UGT2A2: variants seen among roughly 807,000 people sequenced by gnomAD.
UGT2A2 encodes the protein UDP-glucuronosyltransferase 2A2.
A neutral mutation model predicts 50.7 loss-of-function variants in UGT2A2; 60 were observed. The observed-to-expected ratio is 1.18, with a 90% CI of 0.96 to 1.47. UGT2A2 has a LOEUF of 1.47. UGT2A2 is among the 40% of genes most tolerant of loss of function. The pLI is 0.00. For missense variants in UGT2A2, 762 were observed against 634.0 expected (o/e 1.20, Z -2.17); for synonymous variants, 242 against 214.6 (o/e 1.13, Z -1.11).
In UGT2A2 at chr4:69,605,113, T is replaced by A. The variant is rs1024076585; in HGVS notation, c.743-5719A>T. ...AATTATCCACCCCAAATCAACAGAA[T>A]ATACATTCTTCTCAGCACCACACCG... On this transcript the variant is annotated intron_variant, in intron 1 of 5. Coordinates refer to ENST00000604629, the MANE Select transcript of UGT2A2 (RefSeq NM_001105677.2). 8.0e-5 allele frequency among the ~76,000 whole-genome samples: 11 copies of A among 136,972 alleles called. 3 individuals are homozygous for A. The highest frequency in any genetic ancestry group is 1.7e-4 in the Non-Finnish European group (11 of 64,356). 89.9% of individuals were successfully genotyped at this position (136,972 alleles called of 152,430 possible).
intron 1 of UGT2A2, among the ~76,000 whole-genome samples, chr4:69,607,088 C>CA (rs1174884731): frequency 7.3e-6 from 1 of 137,640 alleles, no homozygotes; most frequent in Non-Finnish European, 1.6e-5. Flanking sequence ...CATATGGAAC[C>CA]AAAAAAGAGC....
At chr4:69,590,718 T>TTTATTG (rs1325988157) in intron 5 of UGT2A2, among the ~76,000 whole-genome samples, 1 of 152,066 alleles carries the variant, frequency 6.6e-6, no homozygotes, top group Non-Finnish European at 1.5e-5. Flanking sequence ...ACATGGATCA[T>TTTATTG]CCGAATATAC....
chr4:69,625,375 T>C (rs961437278), intron 1 of UGT2A2, among the ~76,000 whole-genome samples: 1 of 151,222 alleles, frequency 6.6e-6, no homozygotes, highest in Non-Finnish European at 1.5e-5. Context: ...AATATTTTTT[T>C]CTGCTGATGC....
chr4:69,599,382 G>A lies in UGT2A2; in HGVS notation c.755C>T (p.Thr252Met), dbSNP rs757111881. The A allele has an allele frequency of 6.2e-6, 10 of 1,613,098 alleles. No homozygotes were observed. Among genetic ancestry groups the A allele is most frequent in the South Asian group, 2.2e-5 (2 of 90,940 alleles). ...YYSKILGRPT[T>M]LCETMGKAEI... is the part of the protein sequence containing the mutation. ...AGCTTTCCCCATAGTCTCACATAAC[G>A]TAGTGGGTCTTCCTGGAGAAAATGT... Residue 252 changes from threonine to methionine, a missense_variant, in exon 2 of 6, where the codon ACG (threonine) becomes ATG (methionine). By Grantham distance (81) the Thr-to-Met change is moderately conservative. Coordinates refer to ENST00000604629, the MANE Select transcript of UGT2A2 (RefSeq NM_001105677.2).
At position 69,603,711 on chromosome 4, in the gene UGT2A2, A is replaced by G. The variant is rs1719434499; in HGVS notation, c.743-4317T>C. The G allele has an allele frequency of 1.5e-5, 2 of 136,634 alleles. 1 individual carries two copies. The highest frequency in any genetic ancestry group is 5.9e-5 in the African/African-American group (2 of 33,740). The allele number at this position is 136,634 out of a possible 1,614,324, so 8.5% of individuals were successfully genotyped here. A position where few individuals can be genotyped will look rare whatever the true frequency, so the allele number is the denominator to read the frequency against. ...GGCTAACTAGAATCACCAATGAAGA[A>G]AAGCCCTTAAAGGACCTGATGGAGC... On this transcript the variant is annotated intron_variant, in intron 1 of 5. Coordinates refer to ENST00000604629, the MANE Select transcript of UGT2A2 (RefSeq NM_001105677.2).
At chr4:69,589,783 A>G in intron 5 of UGT2A2, 132 bp from the exon 6 acceptor site, 1 of 1,322,860 alleles carries the variant, frequency 7.6e-7, no homozygotes, top group Admixed American at 2.8e-5. Flanking sequence ...TTCTTGCATG[A>G]ACTTTGTTAG....
chr4:69,589,388 T>G lies in UGT2A2; in HGVS notation c.1595A>C (p.Lys532Thr), dbSNP rs1718447764. The change falls in exon 6 of 6, where the codon AAG becomes ACG. Residue 532 changes from lysine (K) to threonine (T), a missense_variant. By Grantham distance (78) the Lys-to-Thr change is moderately conservative. Transcript: ENST00000604629. ...SCQKFGKIGK[K>T]KKRE ...TTTCTTGACCTATTCTCTTTTTTTC[T>G]TCTTTCCTATCTTACCAAATTTTTG... is the stretch of plus-strand genomic sequence containing the variant. 1 of 1,611,438 alleles carries G rather than the reference T, an allele frequency of 6.2e-7. No individual in the cohort carries two copies. Among genetic ancestry groups the G allele is most frequent in the African/African-American group, 1.3e-5 (1 of 74,702 alleles).
chr4:69,619,929 G>T (rs1458823273), intron 1 of UGT2A2, among the ~76,000 whole-genome samples: 1 of 151,570 alleles, frequency 6.6e-6, no homozygotes, highest in African/African-American at 2.4e-5. Context: ...CACACAAAAG[G>T]CTTTTGATAC....
Position 69,589,519 on chromosome 4 carries a change from A to G in UGT2A2, c.1464T>C (p.His488=), listed in dbSNP as rs760575332. 3.1e-6 allele frequency: 5 copies of G among 1,614,040 alleles called. No individual in the cohort carries two copies. The African/African-American group carries it at 6.7e-5, about 22-fold the overall frequency. The part of the protein sequence containing the change: ...KGAKHLRVAA[H]DLTWFQYHSL... ...AGTGGTACTGGAACCAGGTGAGGTCATGGGCTGCAACCCGAAGGTGCTTGG... is the reference window on the plus strand; with the variant it reads ...AGTGGTACTGGAACCAGGTGAGGTCGTGGGCTGCAACCCGAAGGTGCTTGG... The change falls in exon 6 of 6, where the codon CAT becomes CAC. Residue 488 remains histidine, a synonymous_variant. Transcript: ENST00000604629.
Position 69,638,906 on chromosome 4 carries a change from T to A in UGT2A2, c.735A>T (p.Lys245Asn). The A allele has an allele frequency of 6.3e-7, 1 of 1,577,708 alleles. No homozygotes were observed. Among genetic ancestry groups the A allele is most frequent in the South Asian group, 1.2e-5 (1 of 85,964 alleles). Residue 245 changes from lysine (K) to asparagine (N), a missense_variant, in exon 1 of 6, where the codon AAA (lysine) becomes AAT (asparagine). Lys to Asn is a moderately conservative substitution (Grantham distance 94, BLOSUM62 0). Coordinates refer to ENST00000604629, the MANE Select transcript of UGT2A2 (RefSeq NM_001105677.2). ...AGAAAATTTTAGACTTACCTAAAAT[T>A]TTGCTATAGTATGAATTCCATTCTC... ...YWGEWNSYYS[K>N]ILGRPTTLCE...
intron 1 of UGT2A2, among the ~76,000 whole-genome samples, chr4:69,613,420 C>T (rs1720184942): frequency 1.3e-5 from 2 of 151,928 alleles, no homozygotes; most frequent in South Asian, 4.1e-4. Flanking sequence ...TAACTAATGT[C>T]AATTCTACTG....
chr4:69,590,121 G>A (rs1012133974), intron 5 of UGT2A2, among the ~76,000 whole-genome samples: 1 of 152,212 alleles, frequency 6.6e-6, no homozygotes, highest in African/African-American at 2.4e-5. Flanking sequence ...CTAAGATGTA[G>A]GCATTGTGAT....
At chr4:69,598,943 C>T (rs1325805012) in intron 2 of UGT2A2, among the ~76,000 whole-genome samples, 1 of 152,078 alleles carries the variant, frequency 6.6e-6, no homozygotes, top group Non-Finnish European at 1.5e-5. Flanking sequence ...AAGACTAGGG[C>T]AGTATCCTTC....
In UGT2A2 at chr4:69,639,033, G is replaced by A. The variant is rs185641136; in HGVS notation, c.608C>T (p.Pro203Leu). 488 of 1,613,194 alleles carry A rather than the reference G, an allele frequency of 3.0e-4. 1 individual carries two copies. In the African/African-American group the frequency reaches 5.9e-3, roughly 19 times the overall value. The change falls in exon 1 of 6, where the codon CCG becomes CTG. Residue 203 changes from proline (P) to leucine (L), a missense_variant. Transcript: ENST00000604629. ...GKIPAPVSYV[P>L]AALSELTDQM... Reference sequence around the variant, plus strand: ...GTCAGTGAGCTCTGATAAGGCTGCCGGTACATAGGAGACTGGTGCTGGGAT... The same window carrying A: ...GTCAGTGAGCTCTGATAAGGCTGCCAGTACATAGGAGACTGGTGCTGGGAT...
chr4:69,626,848 C>T (rs1018204475), intron 1 of UGT2A2, among the ~76,000 whole-genome samples: 1 of 151,354 alleles, frequency 6.6e-6, no homozygotes, highest in Non-Finnish European at 1.5e-5. Flanking sequence ...TCAAATTGTC[C>T]CAGATTTTGG....
chr4:69,617,506 A>G (rs763087274), intron 1 of UGT2A2, among the ~76,000 whole-genome samples: 1 of 151,966 alleles, frequency 6.6e-6, no homozygotes, highest in South Asian at 2.1e-4. Flanking sequence ...ATGAACACAC[A>G]CAACATATTT....
rs1456558136 is a variant in UGT2A2 at position 69,595,701 on chromosome 4, GA to G, written c.1024-453del. On this transcript the variant is annotated intron_variant, in intron 3 of 5. Coordinates refer to ENST00000604629, the MANE Select transcript of UGT2A2 (RefSeq NM_001105677.2). ...AAGGTTAATTGAATAACATAAGTCA[GA>G]AATTGCATGTTGTTGGACTATAATA... Among the ~76,000 whole-genome samples, 4 of 152,184 alleles carry G rather than the reference GA, an allele frequency of 2.6e-5. No individual in the cohort carries two copies. In the East Asian group the frequency reaches 7.7e-4, roughly 29 times the overall value.
chr4:69,636,577 C>A (rs116658374), intron 1 of UGT2A2, among the ~76,000 whole-genome samples: 2,497 of 152,062 alleles, frequency 0.016, 75 homozygotes, highest in African/African-American at 0.058. Context: ...TTTTACAAAG[C>A]CTTTTTCACA....
At chr4:69,616,060 A>G (rs1196941492) in intron 1 of UGT2A2, among the ~76,000 whole-genome samples, 1 of 152,038 alleles carries the variant, frequency 6.6e-6, no homozygotes, top group Non-Finnish European at 1.5e-5. Flanking sequence ...GTCATTTGCA[A>G]TAACTTGGAT....
Sources: gnomAD v4.1 joint callset for allele counts (sites outside exome capture counted in the v4.1 genomes callset) on GRCh38, gnomAD v4.1.1 for gene constraint, MANE v1.5 for transcripts, NCBI Gene and HGNC (gene_info 2026-07-23, HGNC 2026-07-21) for gene names.